CHD7: variants seen among roughly 807,000 people sequenced by gnomAD.
The protein encoded by CHD7 is chromodomain helicase DNA binding protein 7, also known as ATP-dependent chromatin remodeler CHD7.
Under a neutral mutation model 307.3 loss-of-function variants are expected in CHD7, and 24 were observed. The observed-to-expected ratio is 0.08, with a 90% CI of 0.06 to 0.11. The LOEUF (loss-of-function observed/expected upper bound fraction) is 0.11, where lower values mean the gene tolerates loss of function less well. Ranked by LOEUF, CHD7 falls within the 10% of genes least tolerant of loss-of-function variation. CHD7 has a pLI of 1.00. For missense variants in CHD7, 3,106 were observed against 3,727.1 expected (o/e 0.83, Z 4.34); for synonymous variants, 1,363 against 1,349.9 (o/e 1.01, Z -0.21).
intron 37 of CHD7, 93 bp downstream of exon 37, chr8:60,862,745 G>A: frequency 3.7e-6 from 3 of 819,166 alleles, no homozygotes; most frequent in Non-Finnish European, 6.0e-6. Flanking sequence ...TAATTATTCA[G>A]TTGTAACTTA....
At chr8:60,849,198 G>T (rs765445634) in intron 25 of CHD7, 44 bp downstream of exon 25, 1 of 1,265,066 alleles carries the variant, frequency 7.9e-7, no homozygotes, top group South Asian at 1.3e-5. Context: ...TGTATGGCTT[G>T]GTCTTTATTT....
chr8:60,817,305 G>A (rs544779159), intron 8 of CHD7, among the ~76,000 whole-genome samples: 73 of 152,290 alleles, frequency 4.8e-4, no homozygotes, highest in African/African-American at 1.3e-3. Flanking sequence ...TAAAAGAAGC[G>A]TACAATTTGA....
At chr8:60,755,759 T>C (rs1809862235) in intron 2 of CHD7, among the ~76,000 whole-genome samples, 1 of 152,358 alleles carries the variant, frequency 6.6e-6, no homozygotes, top group African/African-American at 2.4e-5. Context: ...GGCTGTCATG[T>C]ATGTTCAGTC....
At chr8:60,736,087 C>T (rs1028482161) in intron 1 of CHD7, among the ~76,000 whole-genome samples, 1 of 152,186 alleles carries the variant, frequency 6.6e-6, no homozygotes, top group African/African-American at 2.4e-5. Context: ...CCTTGGCCAA[C>T]CCAGGGGGTT....
chr8:60,847,884 A>G (rs563086882), intron 23 of CHD7, among the ~76,000 whole-genome samples: 5 of 152,132 alleles, frequency 3.3e-5, no homozygotes, highest in Non-Finnish European at 7.3e-5. Flanking sequence ...GGTACAGTAA[A>G]CTAGAAGGAA....
chr8:60,737,383 C>T (rs1808763445), intron 1 of CHD7, among the ~76,000 whole-genome samples: 1 of 152,132 alleles, frequency 6.6e-6, no homozygotes, highest in Admixed American at 6.6e-5. Flanking sequence ...TTCATTCATT[C>T]ATTCATTTCT....
chr8:60,725,378 T>C (rs149354224), intron 1 of CHD7, among the ~76,000 whole-genome samples: 143 of 152,374 alleles, frequency 9.4e-4, no homozygotes, highest in African/African-American at 3.1e-3. Context: ...TTCTGAGTAG[T>C]ATCCCAAAGT....
intron 2 of CHD7, among the ~76,000 whole-genome samples, chr8:60,771,380 A>G (rs1810702563): frequency 6.6e-6 from 1 of 152,188 alleles, no homozygotes; most frequent in Non-Finnish European, 1.5e-5. Flanking sequence ...CATTATGCTT[A>G]TTTGTTGATC....
chr8:60,841,183 C>T (rs1804954205), intron 19 of CHD7, among the ~76,000 whole-genome samples: 1 of 152,242 alleles, frequency 6.6e-6, no homozygotes, highest in Admixed American at 6.5e-5. Flanking sequence ...CTCTCTCCCT[C>T]ACCAGCTCGA....
chr8:60,704,825 A>G (rs1459341149), intron 1 of CHD7, among the ~76,000 whole-genome samples: 1 of 152,138 alleles, frequency 6.6e-6, no homozygotes, highest in South Asian at 2.1e-4. Context: ...TGCCTTTGCA[A>G]CTTAACAAGA....
rs1804764382 is a variant in CHD7 at position 60,836,821 on chromosome 8, C to T, written c.3994C>T (p.Pro1332Ser). 3 of 1,613,050 alleles carry T rather than the reference C, an allele frequency of 1.9e-6. No homozygotes were observed. Among genetic ancestry groups the T allele is most frequent in the African/African-American group, 1.3e-5 (1 of 74,866 alleles). The change falls in exon 17 of 38, where the codon CCA (proline) becomes TCA (serine). Residue 1332 changes from proline to serine, a missense_variant. Pro to Ser is a moderately conservative substitution (Grantham distance 74). Coordinates refer to ENST00000423902, the MANE Select transcript of CHD7 (RefSeq NM_017780.4). ...GTTCACACTGATGTTTTCTAGGTAC[C>T]CATATGAAAGGATCGACGGCCGAGT... ...LEDYLIQRRY[P>S]YERIDGRVRG...
intron 21 of CHD7, among the ~76,000 whole-genome samples, chr8:60,843,018 G>T (rs1309087070): frequency 1.3e-5 from 2 of 152,126 alleles, no homozygotes; most frequent in Non-Finnish European, 2.9e-5. Flanking sequence ...CTCTCCGTGG[G>T]TGTCCGACGC....
At chr8:60,792,227 A>G (rs1438152146) in intron 3 of CHD7, among the ~76,000 whole-genome samples, 2 of 152,248 alleles carry the variant, frequency 1.3e-5, no homozygotes, top group African/African-American at 4.8e-5. Flanking sequence ...TTTGTTTGTT[A>G]AAAGAAAAAT....
chr8:60,789,684 G>A (rs749844386), intron 3 of CHD7, among the ~76,000 whole-genome samples: 21 of 152,204 alleles, frequency 1.4e-4, no homozygotes, highest in Admixed American at 5.9e-4. Context: ...TGGCTTTCCA[G>A]TAAATTATGG....
intron 9 of CHD7, 140 bp from the exon 10 acceptor site, chr8:60,821,650 A>G (rs1488348753): frequency 3.3e-6 from 2 of 600,918 alleles, no homozygotes; most frequent in African/African-American, 3.8e-5. Flanking sequence ...AAACATATAT[A>G]TACACATACA....
At chr8:60,714,459 A>G (rs1807473511) in intron 1 of CHD7, among the ~76,000 whole-genome samples, 1 of 121,492 alleles carries the variant, frequency 8.2e-6, no homozygotes, top group Non-Finnish European at 1.6e-5. Context: ...CTGGACGCTG[A>G]GACTGGGAGC....
In CHD7 at chr8:60,801,489, G is replaced by A. The variant is rs765464893; in HGVS notation, c.2377-39G>A. On this transcript the variant is annotated intron_variant, in intron 5 of 37. Coordinates refer to ENST00000423902, the MANE Select transcript of CHD7 (RefSeq NM_017780.4). ...TTGCTCTTATAGCTTAGGATGAGAT[G>A]TTTTCTATTTGGATTGATGCACATG... The A allele has an allele frequency of 1.2e-5, 18 of 1,466,474 alleles. No individual in the cohort carries two copies. In the East Asian group the frequency reaches 4.2e-4, roughly 34 times the overall value. 90.8% of individuals were successfully genotyped at this position (1,466,474 alleles called of 1,614,324 possible).
intron 19 of CHD7, 24 bp downstream of exon 19, chr8:60,838,279 A>G (rs751435843): frequency 6.3e-7 from 1 of 1,585,958 alleles, no homozygotes; most frequent in East Asian, 2.3e-5. Context: ...TAAAGAGGCC[A>G]GGTTTTCCAT....
intron 1 of CHD7, among the ~76,000 whole-genome samples, chr8:60,718,381 A>G (rs1049008758): frequency 6.6e-6 from 1 of 152,140 alleles, no homozygotes; most frequent in Non-Finnish European, 1.5e-5. Flanking sequence ...AGGCTGAGGC[A>G]GGAGAATCTC....
Sources: allele counts gnomAD v4.1 joint callset (sites outside exome capture counted in the v4.1 genomes callset), GRCh38; gene constraint gnomAD v4.1.1; transcripts MANE v1.5; gene names NCBI Gene and HGNC (gene_info 2026-07-23, HGNC 2026-07-21).